The following PTPRN2 variants were observed in gnomAD, a reference collection of about 807,000 sequenced individuals.
PTPRN2 encodes receptor-type tyrosine-protein phosphatase N2.
Under a neutral mutation model 118.8 loss-of-function variants are expected in PTPRN2, and 74 were observed. The observed-to-expected ratio is 0.62, with a 90% CI of 0.52 to 0.76. The LOEUF (loss-of-function observed/expected upper bound fraction) is 0.76. Ranked by LOEUF, PTPRN2 falls within the 30% of genes least tolerant of loss-of-function variation. PTPRN2 has a pLI of 0.00. For missense variants in PTPRN2, 1,481 were observed against 1,394.4 expected, an observed-to-expected ratio of 1.06 and a Z score of -0.99; for synonymous variants, 641 against 608.0, an observed-to-expected ratio of 1.05 and a Z score of -0.80.
At chr7:158,198,243 T>C (rs947694162) in intron 4 of PTPRN2, among the ~76,000 whole-genome samples, 11 of 152,218 alleles carry the variant, frequency 7.2e-5, no homozygotes, top group Non-Finnish European at 1.3e-4. Flanking sequence ...CTGCAGTATG[T>C]TACGGCAATG....
chr7:157,649,620 C>A (rs376105670), intron 14 of PTPRN2, among the ~76,000 whole-genome samples: 2 of 31,620 alleles, frequency 6.3e-5, no homozygotes, highest in African/African-American at 8.3e-5. Flanking sequence ...TCGGTGGGTC[C>A]GATCCATTCA....
chr7:158,422,896 T>G (rs1002456861), intron 2 of PTPRN2, among the ~76,000 whole-genome samples: 8 of 152,258 alleles, frequency 5.3e-5, no homozygotes, highest in Non-Finnish European at 8.8e-5. Context: ...GTAATTTGCA[T>G]GGTCAGTAGA....
At chr7:157,631,847 AAG>A (rs1190630088) in intron 14 of PTPRN2, among the ~76,000 whole-genome samples, 5 of 151,564 alleles carry the variant, frequency 3.3e-5, no homozygotes, top group Non-Finnish European at 5.9e-5. Flanking sequence ...AAAAAAAAAA[AAG>A]AGAGAATTAA....
At chr7:157,899,455 A>G (rs897947820) in intron 11 of PTPRN2, among the ~76,000 whole-genome samples, 9 of 152,178 alleles carry the variant, frequency 5.9e-5, no homozygotes, top group African/African-American at 2.2e-4. Context: ...AAGGCAATTG[A>G]CCTTGGCTTA....
intron 12 of PTPRN2, among the ~76,000 whole-genome samples, chr7:157,802,133 G>A (rs1462517253): frequency 6.6e-6 from 1 of 152,212 alleles, no homozygotes; most frequent in African/African-American, 2.4e-5. Flanking sequence ...ACACTTCCCT[G>A]AGTGTGCAGC....
chr7:158,192,247 G>C (rs1358782946), intron 5 of PTPRN2, 80 bp downstream of exon 5: 2 of 1,343,960 alleles, frequency 1.5e-6, no homozygotes, highest in African/African-American at 3.1e-5. Flanking sequence ...AGAGGAGCCA[G>C]CGACTAAGGA....
At chr7:158,305,191 T>C (rs981022637) in intron 3 of PTPRN2, among the ~76,000 whole-genome samples, 1 of 152,182 alleles carries the variant, frequency 6.6e-6, no homozygotes, top group Non-Finnish European at 1.5e-5. Flanking sequence ...AGAGTGCCCT[T>C]GGCCAAGAGG....
intron 12 of PTPRN2, among the ~76,000 whole-genome samples, chr7:157,776,563 T>C (rs375555427): frequency 7.7e-3 from 12 of 1,564 alleles, no homozygotes; most frequent in Admixed American, 8.1e-3. Flanking sequence ...TCTCTCTCCT[T>C]CTCCCTCTCC....
intron 2 of PTPRN2, among the ~76,000 whole-genome samples, chr7:158,333,634 T>G (rs1418026488): frequency 4.7e-5 from 7 of 150,382 alleles, no homozygotes; most frequent in African/African-American, 1.7e-4. Context: ...CCTACAGACA[T>G]CACTCACACC....
chr7:158,415,921 C>T (rs1814619419), intron 2 of PTPRN2, among the ~76,000 whole-genome samples: 1 of 152,174 alleles, frequency 6.6e-6, no homozygotes, highest in Non-Finnish European at 1.5e-5. Context: ...CCTAGAAGCC[C>T]CTGCCACCCC....
intron 3 of PTPRN2, among the ~76,000 whole-genome samples, chr7:158,261,625 G>C (rs960985765): frequency 6.6e-6 from 1 of 152,234 alleles, no homozygotes; most frequent in African/African-American, 2.4e-5. Flanking sequence ...ACTCCATAGA[G>C]CACACGAAGA....
intron 11 of PTPRN2, among the ~76,000 whole-genome samples, chr7:158,026,790 A>G (rs1052149956): frequency 2.0e-5 from 3 of 152,256 alleles, no homozygotes; most frequent in Middle Eastern, 6.8e-3. Context: ...CCCTCCACGT[A>G]TACCGTGACA....
chr7:157,755,969 G>A (rs1801755935), intron 12 of PTPRN2, among the ~76,000 whole-genome samples: 1 of 152,234 alleles, frequency 6.6e-6, no homozygotes, highest in Non-Finnish European at 1.5e-5. Context: ...TTCCCAGCCA[G>A]GGCTGGGCGG....
chr7:158,369,218 T>C (rs1809763246), intron 2 of PTPRN2, among the ~76,000 whole-genome samples: 1 of 150,824 alleles, frequency 6.6e-6, no homozygotes, highest in South Asian at 2.1e-4. Context: ...GACCTTGTGA[T>C]CATGTGAGTT....
chr7:158,313,095 T>C (rs1194258990), intron 3 of PTPRN2, among the ~76,000 whole-genome samples: 2 of 151,924 alleles, frequency 1.3e-5, no homozygotes, highest in Non-Finnish European at 2.9e-5. Context: ...TGAGCATGTG[T>C]ATGAGTGTGC....
rs564743268 is a variant in PTPRN2 at position 158,541,549 on chromosome 7, T to A, written c.112+46009A>T. 7 of 1,352,096 alleles carry A rather than the reference T, an allele frequency of 5.2e-6. No individual in the cohort carries two copies. The East Asian group carries it at 3.2e-4, about 61-fold the overall frequency. The allele number at this position is 1,352,096 out of a possible 1,614,324, so 83.8% of individuals were successfully genotyped here. Reference sequence around the variant, plus strand: ...AAGGTGTGGCTCACACAGAACATCTTCATAGTAGGAAAGCTGGCTTCGGTT... The same window carrying A: ...AAGGTGTGGCTCACACAGAACATCTACATAGTAGGAAAGCTGGCTTCGGTT... On this transcript the variant is annotated intron_variant, in intron 1 of 22. Coordinates refer to ENST00000389418, the MANE Select transcript of PTPRN2 (RefSeq NM_002847.5).
intron 12 of PTPRN2, among the ~76,000 whole-genome samples, chr7:157,751,984 C>T (rs1801497730): frequency 6.6e-6 from 1 of 152,120 alleles, no homozygotes; most frequent in Non-Finnish European, 1.5e-5. Context: ...GACAGCCCGG[C>T]CTTGCGAGAC....
At chr7:158,135,015 T>C (rs1818685282) in intron 8 of PTPRN2, among the ~76,000 whole-genome samples, 1 of 152,160 alleles carries the variant, frequency 6.6e-6, no homozygotes, top group African/African-American at 2.4e-5. Context: ...CCTACACTGC[T>C]TCCTAGGAAA....
At chr7:157,770,046 C>T (rs1802709415) in intron 12 of PTPRN2, among the ~76,000 whole-genome samples, 1 of 152,246 alleles carries the variant, frequency 6.6e-6, no homozygotes, top group African/African-American at 2.4e-5. Context: ...TTCTCTGTGG[C>T]TTCCTTGGTC....
Sources: gnomAD v4.1 joint callset for allele counts (sites outside exome capture counted in the v4.1 genomes callset) on GRCh38, gnomAD v4.1.1 for gene constraint, MANE v1.5 for transcripts, NCBI Gene and HGNC (gene_info 2026-07-23, HGNC 2026-07-21) for gene names.